The following SPTB variants were observed in gnomAD, a reference collection of about 807,000 sequenced individuals.
SPTB encodes spectrin beta chain, erythrocytic.
A neutral mutation model predicts 256.2 loss-of-function variants in SPTB; 45 were observed. The observed-to-expected ratio is 0.18, with a 90% CI of 0.14 to 0.23. The LOEUF (loss-of-function observed/expected upper bound fraction) is 0.23, where lower values mean the gene tolerates loss of function less well. Ranked by LOEUF, SPTB falls within the 10% of genes least tolerant of loss-of-function variation. The pLI, the probability that SPTB is intolerant of heterozygous loss-of-function variation, is 1.00. For synonymous variants in SPTB, 1,231 were observed against 1,243.1 expected (o/e 0.99, Z 0.21); for missense variants, 2,715 against 3,040.4 (o/e 0.89, Z 2.52).
intron 22 of SPTB, among the ~76,000 whole-genome samples, chr14:64,776,996 G>A (rs1282516399): frequency 6.6e-6 from 1 of 152,194 alleles, no homozygotes; most frequent in Admixed American, 6.5e-5. Context: ...CAAAGGCTGG[G>A]CCTTCCTCCC....
intron 32 of SPTB, among the ~76,000 whole-genome samples, chr14:64,761,472 T>C (rs544144254): frequency 6.6e-6 from 1 of 152,136 alleles, no homozygotes; most frequent in Admixed American, 6.5e-5. Flanking sequence ...GGGGAAAGGC[T>C]CTTATGAGAA....
At chr14:64,803,557 T>G (rs756873315) in intron 4 of SPTB, 50 bp downstream of exon 4, 2 of 1,610,420 alleles carry the variant, frequency 1.2e-6, no homozygotes, top group South Asian at 2.2e-5. Flanking sequence ...TCTAAGGCCC[T>G]GGGCAGCCTT....
chr14:64,763,298 G>A (rs2082120291), intron 32 of SPTB, among the ~76,000 whole-genome samples: 2 of 152,222 alleles, frequency 1.3e-5, no homozygotes. Context: ...ACTGCCGAGG[G>A]CTCCCTCGCA....
chr14:64,828,636 A>G (rs2139719120), intron 1 of SPTB, among the ~76,000 whole-genome samples: 1 of 152,328 alleles, frequency 6.6e-6, no homozygotes, highest in African/African-American at 2.4e-5. Context: ...CTTAATATCT[A>G]CATTTACAGA....
In SPTB at chr14:64,779,889, C is replaced by G. The variant is rs2082433075; in HGVS notation, c.4309G>C (p.Glu1437Gln). The G allele has an allele frequency of 6.2e-7, 1 of 1,613,878 alleles. No individual in the cohort carries two copies. Among genetic ancestry groups the G allele is most frequent in the Admixed American group, 1.7e-5 (1 of 60,002 alleles). Residue 1437 changes from glutamate to glutamine, a missense_variant, in exon 21 of 36, where the codon GAG becomes CAG. By Grantham distance (29) the Glu-to-Gln change is conservative. Coordinates refer to ENST00000644917, the MANE Select transcript of SPTB (RefSeq NM_001355436.2). This position sits in a 1 kb window ranked among gnomAD's most constrained non-coding sequence, Gnocchi z 4.2. ...QVNVRKEELG[E>Q]LFAQVPSMGE... ...ATTGAAGGCACCTGGGCAAACAGCT[C>G]CCCCAGCTCCTCTTTTCGCACATTC...
intron 1 of SPTB, among the ~76,000 whole-genome samples, chr14:64,872,185 A>G (rs1409559831): frequency 6.6e-6 from 1 of 152,236 alleles, no homozygotes; most frequent in Non-Finnish European, 1.5e-5. Flanking sequence ...GATAAAATAC[A>G]TCACCATCTC....
Position 64,779,694 on chromosome 14 carries a change from A to AGGAGGTAGGGAGAAGCTGTGGCCCAC in SPTB, c.4473+5_4473+30dup. The AGGAGGTAGGGAGAAGCTGTGGCCCAC allele has an allele frequency of 6.2e-7, 1 of 1,613,676 alleles. No homozygotes were observed. The highest frequency in any genetic ancestry group is 8.5e-7 in the Non-Finnish European group (1 of 1,179,718). ...TGATGGCAGCTGGTGGCTCAGCCTC[A>AGGAGGTAGGGAGAAGCTGTGGCCCAC]GGAGGTAGGGAGAAGCTGTGGCCCA... On this transcript the variant is annotated intron_variant, in intron 21 of 35. Coordinates refer to ENST00000644917, the MANE Select transcript of SPTB (RefSeq NM_001355436.2). The surrounding 1 kb of genome is among the most constrained non-coding windows in gnomAD (Gnocchi z 4.2).
At chr14:64,875,716 G>T (rs895240290) in intron 1 of SPTB, among the ~76,000 whole-genome samples, 7 of 151,964 alleles carry the variant, frequency 4.6e-5, no homozygotes, top group African/African-American at 1.7e-4. Context: ...CTGCTTCAAA[G>T]ATAAAATTCT....
At chr14:64,870,741 TAA>T (rs1882482410) in intron 1 of SPTB, among the ~76,000 whole-genome samples, 1 of 152,230 alleles carries the variant, frequency 6.6e-6, no homozygotes. Context: ...TAAAAGATTA[TAA>T]ATAGAATTAC....
At chr14:64,774,291 G>A (rs1187960505) in intron 24 of SPTB, 106 bp downstream of exon 24, 5 of 1,421,404 alleles carry the variant, frequency 3.5e-6, no homozygotes, top group Non-Finnish European at 4.7e-6. Flanking sequence ...CCTATTTGAT[G>A]GGAAAACTCT....
In SPTB at chr14:64,786,452, C is replaced by T. The variant is rs780675096; in HGVS notation, c.3513G>A (p.Gln1171=). Residue 1171 remains glutamine, a synonymous_variant, in exon 16 of 36, where the codon CAG becomes CAA. Transcript: ENST00000644917. The surrounding 1 kb of genome is among the most constrained non-coding windows in gnomAD (Gnocchi z 5.6). ...SHTLAQCLGF[Q]EFQKDAKQAE... ...CCTGCTTGGCATCTTTCTGGAACTCCTGGAAGCCAAGGCACTGAGCGAGGG... is the reference window on the plus strand; with the variant it reads ...CCTGCTTGGCATCTTTCTGGAACTCTTGGAAGCCAAGGCACTGAGCGAGGG... The T allele has an allele frequency of 1.2e-6, 2 of 1,614,164 alleles. No individual in the cohort carries two copies. Among genetic ancestry groups the T allele is most frequent in the Admixed American group, 3.3e-5 (2 of 60,022 alleles).
chr14:64,769,796 CA>C, intron 27 of SPTB, 68 bp from the exon 28 acceptor site: 1 of 1,605,860 alleles, frequency 6.2e-7, no homozygotes, highest in Non-Finnish European at 8.5e-7. Context: ...GTGTCCCAAC[CA>C]GAGGGGCCCA....
At chr14:64,871,734 T>C (rs997496406) in intron 1 of SPTB, among the ~76,000 whole-genome samples, 5 of 152,336 alleles carry the variant, frequency 3.3e-5, no homozygotes, top group East Asian at 3.9e-4. Context: ...TTCTTAGAAA[T>C]AGGGCTGAAG....
intron 1 of SPTB, among the ~76,000 whole-genome samples, chr14:64,857,313 T>C (rs1234159530): frequency 1.3e-5 from 2 of 152,048 alleles, no homozygotes; most frequent in African/African-American, 4.8e-5. Flanking sequence ...CCGGACACAG[T>C]GGCCCACGCT....
chr14:64,827,957 A>G lies in SPTB; in HGVS notation c.-51-4812T>C, dbSNP rs1480647331. On this transcript the variant is annotated intron_variant, in intron 1 of 35. Transcript: ENST00000644917. This position sits in a 1 kb window ranked among gnomAD's most constrained non-coding sequence, Gnocchi z 4.6. ...ACCTTTCCAGTCGATGGACACCACC[A>G]GCAGTTCCTGGACAAGCCACTTCCC... Among the ~76,000 whole-genome samples, 1 of 152,204 alleles carries G rather than the reference A, an allele frequency of 6.6e-6. No individual in the cohort carries two copies. Among genetic ancestry groups the G allele is most frequent in the Non-Finnish European group, 1.5e-5 (1 of 68,040 alleles).
intron 29 of SPTB, among the ~76,000 whole-genome samples, chr14:64,768,595 TTGACATTCCTCATGAGGAATGTC>T (rs2082227628): frequency 6.6e-6 from 1 of 152,034 alleles, no homozygotes; most frequent in African/African-American, 2.4e-5. Context: ...GGTTCTGTGC[TTGACATTCCTCATGAGGAATGTC>T]TGGGATTCCT....
Position 64,826,091 on chromosome 14 carries a change from T to C in SPTB, c.-51-2946A>G, listed in dbSNP as rs1188200374. Among the ~76,000 whole-genome samples, 1 of 152,196 alleles carries C rather than the reference T, an allele frequency of 6.6e-6. No individual in the cohort carries two copies. Among genetic ancestry groups the C allele is most frequent in the South Asian group, 2.1e-4 (1 of 4,836 alleles). The stretch of plus-strand genomic sequence containing the variant: ...TTCCTTGTGCCCTCTTCCCCTGCCA[T>C]GCCCACCCCAGGCCCTGCCCAGATG... On this transcript the variant is annotated intron_variant, in intron 1 of 35. Transcript: ENST00000644917. This position sits in a 1 kb window ranked among gnomAD's most constrained non-coding sequence, Gnocchi z 4.4.
rs575539903 is a variant in SPTB at position 64,752,097 on chromosome 14, A to T, written c.6602+1440T>A. ...TGACAGAGTGAGACTCTGTCTAAAC[A>T]AAACAAAACAAAACAAAACACAAAA... On this transcript the variant is annotated intron_variant, in intron 33 of 35. Coordinates refer to ENST00000644917, the MANE Select transcript of SPTB (RefSeq NM_001355436.2). 8.5e-5 allele frequency: 91 copies of T among 1,072,010 alleles called. 2 individuals carry two copies. The East Asian group carries it at 4.9e-3, about 58-fold the overall frequency. The allele number at this position is 1,072,010 out of a possible 1,614,324, so 66.4% of individuals were successfully genotyped here. A position where few individuals can be genotyped will look rare whatever the true frequency, so the allele number is the denominator to read the frequency against.
chr14:64,774,403 G>A lies in SPTB; in HGVS notation c.4967C>T (p.Pro1656Leu). The change falls in exon 24 of 36, where the codon CCT (proline) becomes CTT (leucine). Residue 1656 changes from proline to leucine, a missense_variant. Pro to Leu is a moderately conservative substitution (Grantham distance 98, BLOSUM62 -3). Around this residue, in one of 4 missense-constraint regions of SPTB, gnomAD observed 2,239 missense variants for 2,384.4 expected, o/e 0.94. Coordinates refer to ENST00000644917, the MANE Select transcript of SPTB (RefSeq NM_001355436.2). ...RAQGLLSAGH[P>L]EGEQIIRLQG... Reference sequence around the variant, plus strand: ...CCACAGGGGGCGCACGCACCCCTCAGGGTGGCCTGCAGACAGCAGGCCCTG... The same window carrying A: ...CCACAGGGGGCGCACGCACCCCTCAAGGTGGCCTGCAGACAGCAGGCCCTG... 1 of 1,587,524 alleles carries A rather than the reference G, an allele frequency of 6.3e-7. No individual in the cohort carries two copies. Among genetic ancestry groups the A allele is most frequent in the Non-Finnish European group, 8.6e-7 (1 of 1,167,726 alleles).
Sources: gnomAD v4.1 joint callset for allele counts (sites outside exome capture counted in the v4.1 genomes callset) on GRCh38, gnomAD v4.1.1 for gene constraint, gnomAD v4.1.1 regional missense constraint, Gnocchi (gnomAD v3.1) non-coding constraint, MANE v1.5 for transcripts, NCBI Gene and HGNC (gene_info 2026-07-23, HGNC 2026-07-21) for gene names.